ARHGAP32: variants seen among roughly 807,000 people sequenced by gnomAD.
ARHGAP32 encodes the protein Rho GTPase activating protein 32.
Under a neutral mutation model 186.5 loss-of-function variants are expected in ARHGAP32, and 51 were observed. The observed-to-expected ratio is 0.27, with a 90% CI of 0.22 to 0.35. The LOEUF is 0.35. Ranked by LOEUF, ARHGAP32 falls within the 10% of genes least tolerant of loss-of-function variation. ARHGAP32 has a pLI of 1.00. For synonymous variants in ARHGAP32, 950 were observed against 964.3 expected (o/e 0.99, Z 0.27); for missense variants, 2,186 against 2,623.5 (o/e 0.83, Z 3.64).
At chr11:129,043,008 T>C (rs1204604813) in intron 10 of ARHGAP32, among the ~76,000 whole-genome samples, 1 of 152,200 alleles carries the variant, frequency 6.6e-6, no homozygotes, top group Non-Finnish European at 1.5e-5. Context: ...ATGCAAAGGC[T>C]AGAGAACTGT....
intron 1 of ARHGAP32, among the ~76,000 whole-genome samples, chr11:129,229,779 G>T (rs1192180063): frequency 6.6e-6 from 1 of 152,024 alleles, no homozygotes; most frequent in South Asian, 2.1e-4. Flanking sequence ...TGAATATTAA[G>T]ATATATATAT....
At chr11:129,131,144 A>G (rs912352769) in intron 2 of ARHGAP32, among the ~76,000 whole-genome samples, 1 of 152,204 alleles carries the variant, frequency 6.6e-6, no homozygotes, top group Admixed American at 6.5e-5. Context: ...ATTCATAGAA[A>G]TAAGTGTTAC....
intron 1 of ARHGAP32, among the ~76,000 whole-genome samples, chr11:129,258,317 A>C (rs1377658172): frequency 1.3e-5 from 2 of 152,152 alleles, no homozygotes; most frequent in Non-Finnish European, 2.9e-5. Flanking sequence ...TAACTTTCTG[A>C]ATCTGTGAGC....
intron 2 of ARHGAP32, among the ~76,000 whole-genome samples, chr11:129,138,696 G>A (rs1942987847): frequency 6.6e-6 from 1 of 152,074 alleles, no homozygotes; most frequent in African/African-American, 2.4e-5. Context: ...CCCACCACAA[G>A]CCCATCCTCT....
chr11:129,269,478 A>G (rs1338768685), intron 1 of ARHGAP32, among the ~76,000 whole-genome samples: 1 of 152,058 alleles, frequency 6.6e-6, no homozygotes, highest in Non-Finnish European at 1.5e-5. Flanking sequence ...TATAATCCCA[A>G]CACTTTGAGA....
intron 1 of ARHGAP32, among the ~76,000 whole-genome samples, chr11:129,276,290 T>C (rs1240846329): frequency 1.4e-5 from 2 of 146,100 alleles, no homozygotes; most frequent in East Asian, 2.1e-4. Context: ...TCATTCCTTA[T>C]CTGTTTTTGT....
chr11:129,178,195 G>A (rs1457638694), intron 1 of ARHGAP32, among the ~76,000 whole-genome samples: 3 of 151,962 alleles, frequency 2.0e-5, no homozygotes, highest in Non-Finnish European at 4.4e-5. Context: ...ATTCACAATT[G>A]CTTCAAAGAG....
intron 1 of ARHGAP32, among the ~76,000 whole-genome samples, chr11:129,181,669 G>A (rs541326296): frequency 4.6e-5 from 7 of 152,210 alleles, no homozygotes; most frequent in South Asian, 2.1e-4. Flanking sequence ...ACACCGATGA[G>A]GACAGTTACA....
chr11:128,975,030 G>GT (rs1164716109), intron 20 of ARHGAP32, 28 bp from the exon 21 acceptor site: 8 of 1,572,012 alleles, frequency 5.1e-6, no homozygotes, highest in South Asian at 2.4e-5. Context: ...CAGTGTCAAA[G>GT]TAAGAACATC....
chr11:129,186,607 A>C (rs1187901383), intron 1 of ARHGAP32, among the ~76,000 whole-genome samples: 2 of 152,188 alleles, frequency 1.3e-5, no homozygotes, highest in Non-Finnish European at 2.9e-5. Context: ...GCAAGGGAGA[A>C]AATATTTGCA....
chr11:129,101,536 A>C (rs893844352), intron 5 of ARHGAP32, among the ~76,000 whole-genome samples: 2 of 152,228 alleles, frequency 1.3e-5, no homozygotes, highest in Non-Finnish European at 2.9e-5. Context: ...TGAAAAACAC[A>C]CTACAAGAAG....
At position 128,974,981 on chromosome 11, in the gene ARHGAP32, G is replaced by T. The variant is rs751020858; in HGVS notation, c.2216C>A (p.Pro739His). ...ATCACTGGAAGATCTGGGTCTTCTGGGTCGGAAGAGCTTAGAATCACCTGG... is the reference window on the plus strand; with the variant it reads ...ATCACTGGAAGATCTGGGTCTTCTGTGTCGGAAGAGCTTAGAATCACCTGG... ...AVDGDSKLFR[P>H]RRPRSSSDAL... The change falls in exon 21 of 23, where the codon CCC (proline) becomes CAC (histidine). Residue 739 changes from proline (P) to histidine (H), a missense_variant. This residue lies in a region of ARHGAP32 where 263 missense variants were observed against 323.5 expected (regional missense o/e 0.81). Coordinates refer to ENST00000682385, the MANE Select transcript of ARHGAP32 (RefSeq NM_001378024.1). 2 of 1,608,590 alleles carry T rather than the reference G, an allele frequency of 1.2e-6. No individual in the cohort carries two copies. Among genetic ancestry groups the T allele is most frequent in the Admixed American group, 1.7e-5 (1 of 59,164 alleles).
At chr11:129,109,085 T>C (rs1942130681) in intron 5 of ARHGAP32, among the ~76,000 whole-genome samples, 1 of 152,104 alleles carries the variant, frequency 6.6e-6, no homozygotes, top group Non-Finnish European at 1.5e-5. Context: ...TCTCAGACTG[T>C]TATTCTACTC....
At chr11:128,998,882 C>T (rs774782644) in intron 11 of ARHGAP32, among the ~76,000 whole-genome samples, 3 of 152,170 alleles carry the variant, frequency 2.0e-5, no homozygotes, top group Non-Finnish European at 4.4e-5. Context: ...GTTTCCTATG[C>T]CTGTCTTTAA....
At chr11:129,243,390 A>ATAAATAAG (rs1234247474) in intron 1 of ARHGAP32, among the ~76,000 whole-genome samples, 1 of 152,250 alleles carries the variant, frequency 6.6e-6, no homozygotes, top group Non-Finnish European at 1.5e-5. Context: ...ACTAACAATC[A>ATAAATAAG]TAAATAAGTA....
intron 1 of ARHGAP32, among the ~76,000 whole-genome samples, chr11:129,274,648 G>A (rs1468435233): frequency 6.6e-6 from 1 of 152,028 alleles, no homozygotes; most frequent in East Asian, 1.9e-4. Context: ...AGCATTTGAA[G>A]TTGAGAGGCA....
At chr11:129,278,766 G>A (rs932584316) in intron 1 of ARHGAP32, among the ~76,000 whole-genome samples, 1 of 151,698 alleles carries the variant, frequency 6.6e-6, no homozygotes, top group Non-Finnish European at 1.5e-5. Flanking sequence ...CGCTCCCGCG[G>A]CTCCTCCGGG....
intron 9 of ARHGAP32, among the ~76,000 whole-genome samples, chr11:129,063,021 T>C (rs1416767347): frequency 6.6e-6 from 1 of 152,158 alleles, no homozygotes; most frequent in Non-Finnish European, 1.5e-5. Flanking sequence ...CAATAGTTTT[T>C]AATAATATAT....
At chr11:129,261,542 T>A (rs922495273) in intron 1 of ARHGAP32, among the ~76,000 whole-genome samples, 41 of 152,198 alleles carry the variant, frequency 2.7e-4, no homozygotes, top group African/African-American at 9.9e-4. Flanking sequence ...AATTCAGTTG[T>A]CTATGTGTGC....
Sources: allele counts gnomAD v4.1 joint callset (sites outside exome capture counted in the v4.1 genomes callset), GRCh38; gene constraint gnomAD v4.1.1; regional missense constraint gnomAD v4.1.1; transcripts MANE v1.5; gene names NCBI Gene and HGNC (gene_info 2026-07-23, HGNC 2026-07-21).